CDO1: variants seen among roughly 807,000 people sequenced by gnomAD.
CDO1 encodes the protein cysteine dioxygenase type 1, also known as cysteine dioxygenase, type I.
Under a neutral mutation model 24.5 loss-of-function variants are expected in CDO1, and 19 were observed. The ratio of observed to expected loss-of-function variants is 0.77; its 90% CI spans 0.54 to 1.14. The LOEUF (loss-of-function observed/expected upper bound fraction) is 1.14, where lower values mean the gene tolerates loss of function less well. Ranked by LOEUF, CDO1 falls within the 50% of genes most tolerant of loss-of-function variation. The pLI, the probability that CDO1 is intolerant of heterozygous loss-of-function variation, is 0.00. For missense variants in CDO1, 244 were observed against 244.8 expected (o/e 1.00, Z 0.02); for synonymous variants, 91 against 87.0 (o/e 1.05, Z -0.26).
chr5:115,813,708 G>C (rs889426865), intron 1 of CDO1, among the ~76,000 whole-genome samples: 10 of 151,494 alleles, frequency 6.6e-5, no homozygotes, highest in African/African-American at 2.2e-4. Context: ...AGAATTCTTA[G>C]TTTTACTAAA....
At chr5:115,808,742 C>G (rs543181104) in intron 3 of CDO1, among the ~76,000 whole-genome samples, 1 of 150,076 alleles carries the variant, frequency 6.7e-6, no homozygotes, top group South Asian at 2.1e-4. Flanking sequence ...ACAAAACAAA[C>G]AAAACAAAAA....
chr5:115,815,994 G>T (rs1760419826), intron 1 of CDO1, among the ~76,000 whole-genome samples: 1 of 152,208 alleles, frequency 6.6e-6, no homozygotes, highest in African/African-American at 2.4e-5. Context: ...CCTGTCCGCC[G>T]TTCCCGGCCG....
At chr5:115,811,937 T>C (rs1207803101) in intron 2 of CDO1, among the ~76,000 whole-genome samples, 2 of 152,178 alleles carry the variant, frequency 1.3e-5, no homozygotes, top group Non-Finnish European at 2.9e-5. Context: ...AAAAAGTTAA[T>C]TGGATTTGAG....
intron 4 of CDO1, among the ~76,000 whole-genome samples, 183 bp downstream of exon 4, chr5:115,806,166 T>C (rs1391409943): frequency 1.3e-5 from 2 of 152,230 alleles, no homozygotes; most frequent in Non-Finnish European, 2.9e-5. Context: ...TCTCAACTAA[T>C]GTTTGGATCT....
Position 115,816,262 on chromosome 5 carries a change from C to T in CDO1, c.136G>A (p.Glu46Lys). 6.2e-7 allele frequency: 1 copy of T among 1,614,230 alleles called. No individual in the cohort carries two copies. Among genetic ancestry groups the T allele is most frequent in the African/African-American group, 1.3e-5 (1 of 75,070 alleles). ...TCGAACTTGGCGTACATTGCCCACTCGGTGGGGTCGCTCTCGTAGGCTTCC... is the reference window on the plus strand; with the variant it reads ...TCGAACTTGGCGTACATTGCCCACTTGGTGGGGTCGCTCTCGTAGGCTTCC... ...IMEAYESDPT[E>K]WAMYAKFDQY... is the part of the protein sequence containing the mutation. Residue 46 changes from glutamate (E) to lysine (K), a missense_variant, in exon 1 of 5, where the codon GAG becomes AAG. By Grantham distance (56) the Glu-to-Lys change is moderately conservative. Coordinates refer to ENST00000250535, the MANE Select transcript of CDO1 (RefSeq NM_001801.3).
intron 1 of CDO1, among the ~76,000 whole-genome samples, chr5:115,815,506 A>T (rs1034654581): frequency 6.6e-6 from 1 of 152,228 alleles, no homozygotes; most frequent in Non-Finnish European, 1.5e-5. Flanking sequence ...TTAATCTGCG[A>T]AACTTGGCAG....
Position 115,805,462 on chromosome 5 carries a change from C to T in CDO1, c.574G>A (p.Ala192Thr), listed in dbSNP as rs1759905666. The change falls in exon 5 of 5, where the codon GCA (alanine) becomes ACA (threonine). Residue 192 changes from alanine to threonine, a missense_variant and splice_region_variant. Physicochemically the swap from Ala to Thr is moderately conservative, Grantham distance 58. Coordinates refer to ENST00000250535, the MANE Select transcript of CDO1 (RefSeq NM_001801.3). ...HSKFGIRTPN[A>T]TSGSLENN ...TTGTTCTCCAGCGAGCCCGAAGTTG[C>T]CTGTAAAAAAGGGAAAAAAAGAAAG... The T allele has an allele frequency of 1.2e-6, 2 of 1,613,474 alleles. No individual in the cohort carries two copies. Among genetic ancestry groups the T allele is most frequent in the Admixed American group, 1.7e-5 (1 of 59,948 alleles).
intron 2 of CDO1, among the ~76,000 whole-genome samples, chr5:115,811,967 T>A (rs549116960): frequency 1.3e-5 from 2 of 152,358 alleles, no homozygotes; most frequent in Non-Finnish European, 2.9e-5. Context: ...GATTTATTTA[T>A]GCAATCTCAG....
intron 3 of CDO1, among the ~76,000 whole-genome samples, chr5:115,807,594 C>G (rs1760000857): frequency 6.8e-6 from 1 of 146,546 alleles, no homozygotes; most frequent in South Asian, 2.1e-4. Context: ...GTTGAAGAAA[C>G]AGAAACCAGA....
At chr5:115,813,663 A>G (rs1371566130) in intron 1 of CDO1, among the ~76,000 whole-genome samples, 1 of 151,730 alleles carries the variant, frequency 6.6e-6, no homozygotes, top group East Asian at 1.9e-4. Context: ...CTAAATCAAG[A>G]CTTGAGAAAC....
At chr5:115,814,835 T>C (rs1021008462) in intron 1 of CDO1, among the ~76,000 whole-genome samples, 6 of 152,322 alleles carry the variant, frequency 3.9e-5, no homozygotes, top group Admixed American at 3.9e-4. Context: ...AACTTCTTCA[T>C]TGCCTGCCAT....
chr5:115,816,627 C>T lies in CDO1; in HGVS notation c.-230G>A, dbSNP rs879199758. 15 of 555,908 alleles carry T rather than the reference C, an allele frequency of 2.7e-5. No homozygotes were observed. In the South Asian group the frequency reaches 2.8e-4, roughly 11 times the overall value. 34.4% of individuals were successfully genotyped at this position (555,908 alleles called of 1,614,324 possible). ...GCAGTGGATCCGGGATCGCTGGAGA[C>T]GCGGTGCACACACAAATCAGGTTCA... On this transcript the variant is annotated 5_prime_UTR_variant, in exon 1 of 5. Transcript: ENST00000250535.
intron 1 of CDO1, 63 bp from the exon 2 acceptor site, chr5:115,813,321 TAA>T: frequency 2.3e-6 from 2 of 883,590 alleles, no homozygotes; most frequent in Non-Finnish European, 3.8e-6. Flanking sequence ...CTGGAAAAAA[TAA>T]GTGTGTCACC....
Position 115,816,629 on chromosome 5 carries a change from C to T in CDO1, c.-232G>A, listed in dbSNP as rs1760468674. The T allele has an allele frequency of 1.8e-6, 1 of 553,512 alleles. No homozygotes were observed. The highest frequency in any genetic ancestry group is 3.3e-6 in the Non-Finnish European group (1 of 307,188). 34.3% of individuals were successfully genotyped at this position (553,512 alleles called of 1,614,324 possible). A position where few individuals can be genotyped will look rare whatever the true frequency, so the allele number is the denominator to read the frequency against. On this transcript the variant is annotated 5_prime_UTR_variant, in exon 1 of 5. Coordinates refer to ENST00000250535, the MANE Select transcript of CDO1 (RefSeq NM_001801.3). ...AGTGGATCCGGGATCGCTGGAGACG[C>T]GGTGCACACACAAATCAGGTTCAGA...
intron 2 of CDO1, 54 bp downstream of exon 2, chr5:115,813,127 C>A: frequency 1.1e-6 from 1 of 873,904 alleles, no homozygotes. Context: ...CTATATTTTT[C>A]ATATGCTAGA....
rs139803716 is a variant in CDO1, at chr5:115,812,674, T to C, written c.248+507A>G. 7.2e-3 allele frequency among the ~76,000 whole-genome samples: 1,097 copies of C among 152,302 alleles called. 9 individuals carry two copies. Among genetic ancestry groups the C allele is most frequent in the Middle Eastern group, 0.024 (7 of 294 alleles). On this transcript the variant is annotated intron_variant, in intron 2 of 4. Coordinates refer to ENST00000250535, the MANE Select transcript of CDO1 (RefSeq NM_001801.3). ...TTCATTTTGGGGGCTGGTTTTAATA[T>C]GTGTAGTGTATGCCTGAATGCCCTG...
chr5:115,808,867 C>T (rs909744087), intron 3 of CDO1, among the ~76,000 whole-genome samples: 1 of 152,172 alleles, frequency 6.6e-6, no homozygotes. Context: ...CCCCATGAGG[C>T]TTTGTGCTTT....
chr5:115,811,038 C>G (rs1760164381), intron 3 of CDO1, 123 bp downstream of exon 3: 1 of 944,284 alleles, frequency 1.1e-6, no homozygotes, highest in Non-Finnish European at 1.6e-6. Flanking sequence ...AGTCATTTCC[C>G]AAGTATTTTA....
Position 115,806,433 on chromosome 5 carries a change from T to A in CDO1, c.489A>T (p.Thr163=), listed in dbSNP as rs753528832. 2.7e-5 allele frequency: 44 copies of A among 1,612,700 alleles called. No homozygotes were observed. The highest frequency in any genetic ancestry group is 3.6e-5 in the Non-Finnish European group (43 of 1,179,478). The change falls in exon 4 of 5, where the codon ACA becomes ACT. Residue 163 remains threonine, a synonymous_variant. Transcript: ENST00000250535. ...SLHLYSPPFD[T]CHAFDQRTGH... is the part of the protein sequence containing the mutation. ...CTGTTCTTTGATCAAAGGCATGGCA[T>A]GTATCAAAAGGTGGACTGTACAAGT... is the stretch of plus-strand genomic sequence containing the variant.
Sources: gnomAD v4.1 joint callset for allele counts (sites outside exome capture counted in the v4.1 genomes callset) on GRCh38, gnomAD v4.1.1 for gene constraint, MANE v1.5 for transcripts, NCBI Gene and HGNC (gene_info 2026-07-23, HGNC 2026-07-21) for gene names.